MYO16: variants seen among roughly 807,000 people sequenced by gnomAD.
MYO16 encodes the protein unconventional myosin-XVI.
In MYO16, 94 loss-of-function variants were observed where a neutral mutation model predicts 205.3. The observed-to-expected ratio is 0.46, with a 90% CI of 0.39 to 0.54. MYO16 has a LOEUF of 0.54. Ranked by LOEUF, MYO16 falls within the 20% of genes least tolerant of loss-of-function variation. The probability of loss-of-function intolerance (pLI) is 0.00; values close to 1 mark genes in which losing one functional copy is unlikely to be tolerated. For synonymous variants in MYO16, 988 were observed against 954.0 expected, an observed-to-expected ratio of 1.04 and a Z score of -0.66; for missense variants, 2,315 against 2,387.5, an observed-to-expected ratio of 0.97 and a Z score of 0.63.
At chr13:109,059,323 C>A (rs146928681) in intron 27 of MYO16, among the ~76,000 whole-genome samples, 3 of 152,132 alleles carry the variant, frequency 2.0e-5, no homozygotes, top group South Asian at 4.1e-4. Context: ...TCTATTCTTA[C>A]ATAATTCCTC....
At chr13:108,629,213 A>G (rs1490060396), upstream of MYO16, 1 of 152,208 alleles carries the variant, frequency 6.6e-6, no homozygotes, top group African/African-American at 2.4e-5. Context: ...CAAGTTTTTC[A>G]TTACTAAGGA....
chr13:108,649,004 C>A (rs1311308949), intron 1 of MYO16, among the ~76,000 whole-genome samples: 1 of 144,952 alleles, frequency 6.9e-6, no homozygotes, highest in Non-Finnish European at 1.5e-5. Flanking sequence ...GATATTTAAA[C>A]AACAGAGAGG....
intron 23 of MYO16, among the ~76,000 whole-genome samples, chr13:109,036,546 C>T (rs1396642188): frequency 6.6e-6 from 1 of 152,184 alleles, no homozygotes; most frequent in East Asian, 1.9e-4. Context: ...TATTGCACCC[C>T]TCATTTGGCA....
At chr13:109,067,477 A>G (rs1308938844) in intron 27 of MYO16, among the ~76,000 whole-genome samples, 2 of 152,154 alleles carry the variant, frequency 1.3e-5, no homozygotes. Context: ...ACTACAGGAC[A>G]TGAGATTTGT....
At chr13:109,196,634 A>G (rs995828884) in intron 34 of MYO16, among the ~76,000 whole-genome samples, 2 of 152,300 alleles carry the variant, frequency 1.3e-5, no homozygotes, top group African/African-American at 4.8e-5. Flanking sequence ...AGGTGGTCCA[A>G]ACTGACAGGA....
At chr13:108,888,598 G>A in intron 14 of MYO16, 121 bp downstream of exon 14, 1 of 509,996 alleles carries the variant, frequency 2.0e-6, no homozygotes, top group Non-Finnish European at 3.4e-6. Flanking sequence ...TGGAAATAAA[G>A]AATAAAAAAT....
chr13:109,062,224 A>G (rs1023218633), intron 27 of MYO16, among the ~76,000 whole-genome samples: 3 of 152,220 alleles, frequency 2.0e-5, no homozygotes, highest in Non-Finnish European at 2.9e-5. Flanking sequence ...AAAATTGAGT[A>G]TAATTTTTAT....
rs1208674272 is a variant in MYO16, at chr13:108,910,068, T to A, written c.1843T>A (p.Phe615Ile). Residue 615 changes from phenylalanine (F) to isoleucine (I), a missense_variant, in exon 16 of 35, where the codon TTT (phenylalanine) becomes ATT (isoleucine). Around this residue, in one of 3 missense-constraint regions of MYO16, gnomAD observed 1,213 missense variants for 1,274.4 expected, o/e 0.95. Coordinates refer to ENST00000457511, the MANE Select transcript of MYO16 (RefSeq NM_001198950.3). ...LVSQPLGQSNFLIFYLLMDGL... is the reference protein window; with the variant it reads ...LVSQPLGQSNILIFYLLMDGL... ...TTCACAACCTCTTGGCCAGAGCAAT[T>A]TTCTCATTTTCTACTTGTTGATGGA... The A allele has an allele frequency of 6.2e-7, 1 of 1,613,268 alleles. No individual in the cohort carries two copies. The highest frequency in any genetic ancestry group is 8.5e-7 in the Non-Finnish European group (1 of 1,179,528).
chr13:109,066,683 A>G (rs1220991280), intron 27 of MYO16, among the ~76,000 whole-genome samples: 1 of 152,168 alleles, frequency 6.6e-6, no homozygotes, highest in Non-Finnish European at 1.5e-5. Context: ...CTTTATGGCC[A>G]TGTGGTCTCT....
chr13:108,588,062 A>G, the MYO16 span, among the ~76,000 whole-genome samples: 1 of 152,230 alleles, frequency 6.6e-6, no homozygotes, highest in South Asian at 2.1e-4. Context: ...TATTTTATTA[A>G]TACCATTTCT....
chr13:108,684,077 T>G (rs1251993451), intron 2 of MYO16, among the ~76,000 whole-genome samples: 1 of 152,166 alleles, frequency 6.6e-6, no homozygotes, highest in Non-Finnish European at 1.5e-5. Flanking sequence ...GGTTTCACCA[T>G]GTTGGCCAAG....
chr13:108,844,192 A>G (rs1877392049), intron 9 of MYO16, 151 bp from the exon 10 acceptor site: 1 of 515,870 alleles, frequency 1.9e-6, no homozygotes, highest in Non-Finnish European at 3.2e-6. Flanking sequence ...AAGTTTACAG[A>G]TTTCTTACTA....
At chr13:108,831,792 C>T (rs995948693) in intron 9 of MYO16, among the ~76,000 whole-genome samples, 3 of 152,294 alleles carry the variant, frequency 2.0e-5, no homozygotes, top group East Asian at 1.9e-4. Flanking sequence ...AGATTACAGG[C>T]GTAAGCCACC....
chr13:108,729,898 C>T (rs1884467644), intron 4 of MYO16, among the ~76,000 whole-genome samples: 1 of 152,142 alleles, frequency 6.6e-6, no homozygotes, highest in Non-Finnish European at 1.5e-5. Context: ...ATGATACTCA[C>T]AATTAAATAT....
At chr13:109,191,223 A>G (rs72658221) in intron 34 of MYO16, among the ~76,000 whole-genome samples, 7,104 of 152,084 alleles carry the variant, frequency 0.047, 296 homozygotes, top group South Asian at 0.15. Flanking sequence ...CTGTCTCGAA[A>G]AAAAAAAAAT....
intron 28 of MYO16, among the ~76,000 whole-genome samples, chr13:109,106,938 A>C (rs1889138674): frequency 6.6e-6 from 1 of 152,206 alleles, no homozygotes; most frequent in African/African-American, 2.4e-5. Flanking sequence ...AGAAGTTGAG[A>C]TCTTAACCTT....
upstream of MYO16, among the ~76,000 whole-genome samples, chr13:108,593,567 C>T (rs1233826475): frequency 6.6e-6 from 1 of 152,154 alleles, no homozygotes; most frequent in East Asian, 1.9e-4. Flanking sequence ...GAAATAAAGA[C>T]TATGGTTTAC....
chr13:108,935,769 T>C (rs1882451369), intron 16 of MYO16, among the ~76,000 whole-genome samples: 3 of 152,108 alleles, frequency 2.0e-5, no homozygotes, highest in Non-Finnish European at 2.9e-5. Context: ...TTATCATAGA[T>C]GGCTCTTATT....
intron 13 of MYO16, 108 bp downstream of exon 13, chr13:108,883,294 T>G (rs1879709315): frequency 7.4e-7 from 1 of 1,356,200 alleles, no homozygotes; most frequent in Non-Finnish European, 1.0e-6. Context: ...CTCAGCACCT[T>G]GAGGTCCAGT....
Sources: allele counts gnomAD v4.1 joint callset (sites outside exome capture counted in the v4.1 genomes callset), GRCh38; gene constraint gnomAD v4.1.1; regional missense constraint gnomAD v4.1.1; transcripts MANE v1.5; gene names NCBI Gene and HGNC (gene_info 2026-07-23, HGNC 2026-07-21).